STK25: variants seen among roughly 807,000 people sequenced by gnomAD.
STK25 encodes serine/threonine-protein kinase 25.
STK25 carries 29 observed loss-of-function variants against 53.8 expected under a neutral mutation model. The ratio of observed to expected loss-of-function variants is 0.54; its 90% CI spans 0.40 to 0.74. The LOEUF is 0.74. Among genes scored for constraint, STK25 ranks in the 30% least tolerant of loss-of-function variants. The pLI is 0.00. For synonymous variants in STK25, 247 were observed against 238.3 expected, an observed-to-expected ratio of 1.04 and a Z score of -0.33; for missense variants, 420 against 568.0, an observed-to-expected ratio of 0.74 and a Z score of 2.65.
In STK25 at chr2:241,493,828, C is replaced by G. The variant is rs2065025666; in HGVS notation, c.*1834G>C. 1 of 532,372 alleles carries G rather than the reference C, an allele frequency of 1.9e-6. No individual in the cohort carries two copies. The highest frequency in any genetic ancestry group is 3.0e-5 in the Admixed American group (1 of 32,896). The allele number at this position is 532,372 out of a possible 1,614,324, so 33.0% of individuals were successfully genotyped here. On this transcript the variant is annotated 3_prime_UTR_variant, in exon 12 of 12. Coordinates refer to ENST00000316586, the MANE Select transcript of STK25 (RefSeq NM_001271977.2). ...GCCAGGCTGGTCTCGAACTCCTGAC[C>G]TCAAGTGATCCATCTGCCTCAGCCT...
upstream of STK25, chr2:241,508,827 G>C (rs768775656): frequency 9.2e-6 from 8 of 871,644 alleles, no homozygotes; most frequent in Non-Finnish European, 1.1e-5. Flanking sequence ...GGCGGGCGGG[G>C]CACGTGGTCG....
Position 241,501,433 on chromosome 2 carries a change from C to T in STK25, c.261+45G>A, listed in dbSNP as rs34819281. 17 of 1,568,046 alleles carry T rather than the reference C, an allele frequency of 1.1e-5. No individual in the cohort carries two copies. Among genetic ancestry groups the T allele is most frequent in the Non-Finnish European group, 1.5e-5 (17 of 1,144,158 alleles). ...TCAGTCCCTCTGACATGGAAGAGAG[C>T]CGGGCACAGCACCAGCAGGGTCCCC... On this transcript the variant is annotated intron_variant, in intron 3 of 11. Transcript: ENST00000316586. This position sits in a 1 kb window ranked among gnomAD's most constrained non-coding sequence, Gnocchi z 5.3.
chr2:241,502,132 C>G (rs2065549769), intron 2 of STK25: 1 of 160,454 alleles, frequency 6.2e-6, no homozygotes, highest in Admixed American at 6.0e-5. Context: ...CCATTGCACT[C>G]CAACCTGGGC....
intron 2 of STK25, among the ~76,000 whole-genome samples, chr2:241,503,617 G>A (rs2065637946): frequency 1.3e-5 from 2 of 149,824 alleles, no homozygotes; most frequent in African/African-American, 4.9e-5. Flanking sequence ...GGAGGCTGAG[G>A]CAGGATAATA....
At position 241,508,480 on chromosome 2, in the gene STK25, C is replaced by G. The variant is rs960144256; in HGVS notation, c.-138G>C. On this transcript the variant is annotated 5_prime_UTR_variant, in exon 1 of 12. Coordinates refer to ENST00000316586, the MANE Select transcript of STK25 (RefSeq NM_001271977.2). ...CCATCCCGGCCTCCCCCGGCCCGCT[C>G]TGCAGCGCCCGCGAAGGCTCCCACC... 24 of 1,041,696 alleles carry G rather than the reference C, an allele frequency of 2.3e-5. No individual in the cohort carries two copies. The highest frequency in any genetic ancestry group is 2.7e-5 in the Non-Finnish European group (23 of 864,248). The allele number at this position is 1,041,696 out of a possible 1,614,324, so 64.5% of individuals were successfully genotyped here.
rs558360310 is a variant in STK25 at position 241,495,667 on chromosome 2, G to T, written c.1276C>A (p.Arg426Ser). The change falls in exon 12 of 12, where the codon CGC (arginine) becomes AGC (serine). Residue 426 changes from arginine to serine, a missense_variant. Coordinates refer to ENST00000316586, the MANE Select transcript of STK25 (RefSeq NM_001271977.2). ...SHNRNHLTSTR is the reference protein window; with the variant it reads ...SHNRNHLTSTS ...TATCTGAACAGCAGTGCGCTTCAGC[G>T]GGTGGATGTCAGGTGGTTTCTGTTG... 1.1e-5 allele frequency: 17 copies of T among 1,614,232 alleles called. 2 individuals are homozygous for T. The African/African-American group carries it at 2.1e-4, about 20-fold the overall frequency.
chr2:241,508,220 G>T lies in STK25; in HGVS notation c.-100-85C>A, dbSNP rs992415366. On this transcript the variant is annotated intron_variant, in intron 1 of 11. Transcript: ENST00000316586. Reference sequence around the variant, plus strand: ...GGCGGCGGGCTCCATGGGTGGGGGGGGGCCCAGGAGACCCCCCAGGCCGCC... The same window carrying T: ...GGCGGCGGGCTCCATGGGTGGGGGGTGGCCCAGGAGACCCCCCAGGCCGCC... 43 of 1,314,096 alleles carry T rather than the reference G, an allele frequency of 3.3e-5. 1 individual carries two copies. The highest frequency in any genetic ancestry group is 2.9e-4 in the Middle Eastern group (1 of 3,506). 81.4% of individuals were successfully genotyped at this position (1,314,096 alleles called of 1,614,324 possible).
chr2:241,507,478 C>T (rs2065906099), intron 2 of STK25, among the ~76,000 whole-genome samples: 1 of 152,254 alleles, frequency 6.6e-6, no homozygotes, highest in Admixed American at 6.5e-5. Flanking sequence ...TCACCCTCCC[C>T]TGGGCCAAAG....
At position 241,495,297 on chromosome 2, in the gene STK25, G is replaced by A. The variant is rs1013865080; in HGVS notation, c.*365C>T. 4.8e-5 allele frequency: 11 copies of A among 227,646 alleles called. No homozygotes were observed. Among genetic ancestry groups the A allele is most frequent in the Non-Finnish European group, 8.8e-5 (10 of 114,012 alleles). The allele number at this position is 227,646 out of a possible 1,614,324, so 14.1% of individuals were successfully genotyped here. On this transcript the variant is annotated 3_prime_UTR_variant, in exon 12 of 12. Transcript: ENST00000316586. ...CCACCTCATGGGAGGAGGAGGCAGA[G>A]CTGCCCTGATAGTTGCTCTGCGCCT...
intron 2 of STK25, among the ~76,000 whole-genome samples, chr2:241,506,754 C>T (rs182611052): frequency 1.1e-4 from 16 of 152,130 alleles, no homozygotes; most frequent in South Asian, 4.2e-4. Flanking sequence ...GCAACAAAAG[C>T]GAAACTCCGT....
Position 241,499,060 on chromosome 2 carries a change from T to C in STK25, c.700A>G (p.Thr234Ala). The C allele has an allele frequency of 1.2e-6, 2 of 1,614,090 alleles. No individual in the cohort carries two copies. The highest frequency in any genetic ancestry group is 2.2e-5 in the South Asian group (2 of 91,086). ...LFLIPKNSPP[T>A]LEGQHSKPFK... ...GGCTTGCTGTGCTGGCCCTCCAGTG[T>C]GGGTGGGCTGTTCTTGGGAATCAGG... is the stretch of plus-strand genomic sequence containing the variant. Residue 234 changes from threonine (T) to alanine (A), a missense_variant, in exon 7 of 12, where the codon ACA becomes GCA. Physicochemically the swap from Thr to Ala is moderately conservative, Grantham distance 58 (BLOSUM62 0). Coordinates refer to ENST00000316586, the MANE Select transcript of STK25 (RefSeq NM_001271977.2).
rs1370093529 is a variant in STK25 at position 241,508,544 on chromosome 2, C to T, written c.-202G>A. The stretch of plus-strand genomic sequence containing the variant: ...CGCCCGGGGACCCCGGGCCTCCCAG[C>T]CCGCGAAGCAACGGTGGTGGCGGCA... On this transcript the variant is annotated 5_prime_UTR_variant, in exon 1 of 12. Transcript: ENST00000316586. 1.3e-5 allele frequency: 13 copies of T among 997,610 alleles called. No homozygotes were observed. Among genetic ancestry groups the T allele is most frequent in the African/African-American group, 1.7e-5 (1 of 57,402 alleles). 61.8% of individuals were successfully genotyped at this position (997,610 alleles called of 1,614,324 possible).
In STK25 at chr2:241,492,713, C is replaced by A; in HGVS notation, c.*2949G>T. The A allele has an allele frequency of 1.9e-6, 1 of 525,272 alleles. No homozygotes were observed. Among genetic ancestry groups the A allele is most frequent in the Non-Finnish European group, 3.4e-6 (1 of 294,556 alleles). The allele number at this position is 525,272 out of a possible 1,614,324, so 32.5% of individuals were successfully genotyped here. A position where few individuals can be genotyped will look rare whatever the true frequency, so the allele number is the denominator to read the frequency against. ...CTTTATTGTGCACAGGGAAAGGGAA[C>A]TCACTTTACTTGGTGCCTGGAATGT... On this transcript the variant is annotated 3_prime_UTR_variant, in exon 12 of 12. Transcript: ENST00000316586.
Position 241,496,287 on chromosome 2 carries a change from C to A in STK25, c.1241+111G>T. The stretch of plus-strand genomic sequence containing the variant: ...CCGCGCCTTCCCAGAGTGAAGCGAG[C>A]CCATGTAGTGCCAAATGCAGCCACA... On this transcript the variant is annotated intron_variant, in intron 11 of 11. Coordinates refer to ENST00000316586, the MANE Select transcript of STK25 (RefSeq NM_001271977.2). This position sits in a 1 kb window ranked among gnomAD's most constrained non-coding sequence, Gnocchi z 5.8. The A allele has an allele frequency of 7.4e-7, 1 of 1,344,350 alleles. No homozygotes were observed. The highest frequency in any genetic ancestry group is 1.3e-5 in the South Asian group (1 of 76,680). The allele number at this position is 1,344,350 out of a possible 1,614,324, so 83.3% of individuals were successfully genotyped here.
Position 241,494,031 on chromosome 2 carries a change from C to G in STK25, c.*1631G>C. The G allele has an allele frequency of 7.1e-7, 1 of 1,402,564 alleles. No homozygotes were observed. Among genetic ancestry groups the G allele is most frequent in the South Asian group, 2.0e-5 (1 of 51,250 alleles). 86.9% of individuals were successfully genotyped at this position (1,402,564 alleles called of 1,614,324 possible). ...AGGTGGATGGAGGTGATCCAGGGGG[C>G]CAGCAGCTCAGCCGGGAGGGCCCCA... On this transcript the variant is annotated 3_prime_UTR_variant, in exon 12 of 12. Transcript: ENST00000316586. This position sits in a 1 kb window ranked among gnomAD's most constrained non-coding sequence, Gnocchi z 4.9.
upstream of STK25, among the ~76,000 whole-genome samples, chr2:241,508,866 C>T (rs2066016379): frequency 6.6e-6 from 1 of 152,148 alleles, no homozygotes; most frequent in African/African-American, 2.4e-5. Flanking sequence ...CCTGCCTCGC[C>T]CTCGCGGGTC....
In STK25 at chr2:241,499,037, C is replaced by T. The variant is rs749218117; in HGVS notation, c.723G>A (p.Lys241=). The change falls in exon 7 of 12, where the codon AAG becomes AAA. Residue 241 remains lysine, a synonymous_variant. Transcript: ENST00000316586. ...AGGCCTCCACGAACTCCTTGAAGGGCTTGCTGTGCTGGCCCTCCAGTGTGG... is the reference window on the plus strand; with the variant it reads ...AGGCCTCCACGAACTCCTTGAAGGGTTTGCTGTGCTGGCCCTCCAGTGTGG... ...SPPTLEGQHS[K]PFKEFVEACL... is the part of the protein sequence containing the mutation. 1.2e-6 allele frequency: 2 copies of T among 1,614,078 alleles called. No homozygotes were observed. Among genetic ancestry groups the T allele is most frequent in the African/African-American group, 1.3e-5 (1 of 75,046 alleles).
chr2:241,501,625 G>A lies in STK25; in HGVS notation c.114C>T (p.Ile38=), dbSNP rs1389091281. The A allele has an allele frequency of 4.3e-6, 7 of 1,613,962 alleles. No homozygotes were observed. Among genetic ancestry groups the A allele is most frequent in the Non-Finnish European group, 5.9e-6 (7 of 1,180,034 alleles). The part of the protein sequence containing the change: ...KGSFGEVYKG[I]DNHTKEVVAI... The stretch of plus-strand genomic sequence containing the variant: ...CCACCACCTCCTTTGTGTGGTTATC[G>A]ATGCCCTTGTAGACCTCCCCAAACG... Residue 38 remains isoleucine (I), a synonymous_variant, in exon 3 of 12, where the codon ATC becomes ATT. Transcript: ENST00000316586. This position sits in a 1 kb window ranked among gnomAD's most constrained non-coding sequence, Gnocchi z 5.3.
At chr2:241,498,452 G>C (rs956063801) in intron 8 of STK25, 103 bp from the exon 9 acceptor site, 65 of 1,295,814 alleles carry the variant, frequency 5.0e-5, no homozygotes, top group Middle Eastern at 5.5e-4. Flanking sequence ...GGTACCAGAC[G>C]GGGCTCTGCC....
Sources: allele counts gnomAD v4.1 joint callset (sites outside exome capture counted in the v4.1 genomes callset), GRCh38; gene constraint gnomAD v4.1.1; non-coding constraint Gnocchi (gnomAD v3.1); transcripts MANE v1.5; gene names NCBI Gene and HGNC (gene_info 2026-07-23, HGNC 2026-07-21).